Variants in GABPB1 observed in about 807,000 individuals in gnomAD.
GABPB1 encodes the protein GA binding protein transcription factor subunit beta 1.
In GABPB1, 15 loss-of-function variants were observed where a neutral mutation model predicts 45.9. The observed-to-expected ratio is 0.33, with a 90% CI of 0.22 to 0.50. GABPB1 has a LOEUF of 0.50. GABPB1 is among the 20% of genes least tolerant of loss of function. The probability of loss-of-function intolerance (pLI) is 0.98; values close to 1 mark genes in which losing one functional copy is unlikely to be tolerated. For synonymous variants in GABPB1, 143 were observed against 154.4 expected (o/e 0.93, Z 0.55); for missense variants, 252 against 457.5 (o/e 0.55, Z 4.10).
At chr15:50,298,220 T>C (rs2046594241) in intron 6 of GABPB1, among the ~76,000 whole-genome samples, 1 of 152,128 alleles carries the variant, frequency 6.6e-6, no homozygotes, top group Non-Finnish European at 1.5e-5. Flanking sequence ...GCCTCCCAAG[T>C]AGCTGTGAAC....
chr15:50,321,142 T>C (rs978833124), intron 1 of GABPB1, among the ~76,000 whole-genome samples: 4 of 152,180 alleles, frequency 2.6e-5, no homozygotes, highest in Non-Finnish European at 5.9e-5. Flanking sequence ...TTACAAATAG[T>C]GCTGCAATAC....
intron 1 of GABPB1, among the ~76,000 whole-genome samples, chr15:50,330,973 G>A (rs554785830): frequency 6.6e-6 from 1 of 152,182 alleles, no homozygotes; most frequent in Non-Finnish European, 1.5e-5. Flanking sequence ...CCATTTTGGA[G>A]AAAGTGATTA....
chr15:50,345,401 C>A (rs1484133296), intron 1 of GABPB1, among the ~76,000 whole-genome samples: 1 of 151,940 alleles, frequency 6.6e-6, no homozygotes, highest in Non-Finnish European at 1.5e-5. Context: ...CTTGTCTCTA[C>A]CAGGAAAATA....
intron 1 of GABPB1, among the ~76,000 whole-genome samples, chr15:50,328,398 C>T (rs2047842996): frequency 6.6e-6 from 1 of 152,178 alleles, no homozygotes; most frequent in Non-Finnish European, 1.5e-5. Context: ...GTCGGTTCAT[C>T]TGTACCTCAT....
chr15:50,329,066 C>G (rs1009215302), intron 1 of GABPB1, among the ~76,000 whole-genome samples: 1 of 152,160 alleles, frequency 6.6e-6, no homozygotes, highest in African/African-American at 2.4e-5. Context: ...TTTGGCTTTT[C>G]CATCTTTGAA....
chr15:50,298,069 G>C (rs2046585426), intron 6 of GABPB1, among the ~76,000 whole-genome samples: 1 of 152,124 alleles, frequency 6.6e-6, no homozygotes, highest in African/African-American at 2.4e-5. Context: ...TTTACTTTCA[G>C]ATATATGTGT....
At chr15:50,335,904 A>AG (rs2048105022) in intron 1 of GABPB1, among the ~76,000 whole-genome samples, 1 of 140,950 alleles carries the variant, frequency 7.1e-6, no homozygotes, top group Non-Finnish European at 1.5e-5. Flanking sequence ...TCAAAAAAAA[A>AG]AAAAAAAAAA....
At chr15:50,321,268 C>T (rs2047559509) in intron 1 of GABPB1, among the ~76,000 whole-genome samples, 1 of 152,098 alleles carries the variant, frequency 6.6e-6, no homozygotes, top group Non-Finnish European at 1.5e-5. Context: ...AAGATTGTAG[C>T]AACTTATACT....
intron 8 of GABPB1, among the ~76,000 whole-genome samples, chr15:50,283,519 GTT>G (rs926235933): frequency 1.6e-5 from 2 of 124,924 alleles, no homozygotes; most frequent in Non-Finnish European, 3.1e-5. Context: ...GCACCTTATT[GTT>G]TTTTTTTTTT....
At chr15:50,320,936 A>T (rs2047548896) in intron 1 of GABPB1, among the ~76,000 whole-genome samples, 1 of 152,236 alleles carries the variant, frequency 6.6e-6, no homozygotes, top group African/African-American at 2.4e-5. Context: ...TAAAGCTTCC[A>T]GAAGGAACAG....
intron 2 of GABPB1, among the ~76,000 whole-genome samples, chr15:50,305,284 A>C (rs1027642467): frequency 2.0e-4 from 9 of 45,822 alleles, no homozygotes; most frequent in Non-Finnish European, 3.8e-4. Context: ...CTATCTCTCT[A>C]TCTATCTATC....
At chr15:50,295,253 TAAACCTGCC>T (rs1303439473) in intron 6 of GABPB1, among the ~76,000 whole-genome samples, 1 of 152,208 alleles carries the variant, frequency 6.6e-6, no homozygotes, top group African/African-American at 2.4e-5. Context: ...AGCATTCTTC[TAAACCTGCC>T]AAAGTGATCA....
At chr15:50,316,700 T>C (rs1023678495) in intron 1 of GABPB1, among the ~76,000 whole-genome samples, 7 of 152,108 alleles carry the variant, frequency 4.6e-5, no homozygotes, top group African/African-American at 1.7e-4. Flanking sequence ...AATCTAAATA[T>C]ATCAATACTA....
chr15:50,345,792 A>T (rs1359581766), intron 1 of GABPB1, among the ~76,000 whole-genome samples: 1 of 151,870 alleles, frequency 6.6e-6, no homozygotes, highest in Non-Finnish European at 1.5e-5. Context: ...GCTCACTGCA[A>T]GCTCCGCCTC....
intron 1 of GABPB1, among the ~76,000 whole-genome samples, chr15:50,343,079 T>G (rs965155096): frequency 1.3e-5 from 2 of 152,164 alleles, no homozygotes; most frequent in African/African-American, 4.8e-5. Flanking sequence ...TTTTGTATTT[T>G]TAGTAGAGAC....
chr15:50,309,528 T>C (rs1336600339), intron 2 of GABPB1, among the ~76,000 whole-genome samples, 163 bp downstream of exon 2: 1 of 152,202 alleles, frequency 6.6e-6, no homozygotes, highest in East Asian at 1.9e-4. Flanking sequence ...GAAAATAATA[T>C]AAACCACTTC....
chr15:50,337,422 CTCTCT>C (rs1016278843), intron 1 of GABPB1, among the ~76,000 whole-genome samples: 4 of 151,882 alleles, frequency 2.6e-5, no homozygotes, highest in African/African-American at 9.7e-5. Context: ...TACTAGTAAA[CTCTCT>C]TCTCTTCAGA....
intron 1 of GABPB1, among the ~76,000 whole-genome samples, chr15:50,310,156 G>A (rs529510862): frequency 5.9e-5 from 9 of 152,274 alleles, no homozygotes; most frequent in Non-Finnish European, 7.3e-5. Context: ...GCAGTGGCAC[G>A]ATGTTGGCTC....
chr15:50,334,747 T>C (rs1417870484), intron 1 of GABPB1, among the ~76,000 whole-genome samples: 2 of 152,238 alleles, frequency 1.3e-5, no homozygotes, highest in African/African-American at 4.8e-5. Context: ...TGAGTCAGTT[T>C]TTATTCCAAA....
Sources: gnomAD v4.1 joint callset for allele counts (sites outside exome capture counted in the v4.1 genomes callset) on GRCh38, gnomAD v4.1.1 for gene constraint, MANE v1.5 for transcripts, NCBI Gene and HGNC (gene_info 2026-07-23, HGNC 2026-07-21) for gene names.